TYRP1: variants seen among roughly 807,000 people sequenced by gnomAD.
TYRP1 encodes tyrosinase related protein 1, also known as 5,6-dihydroxyindole-2-carboxylic acid oxidase.
Under a neutral mutation model 42.8 loss-of-function variants are expected in TYRP1, and 49 were observed. The ratio of observed to expected loss-of-function variants is 1.14; its 90% CI spans 0.91 to 1.45. The LOEUF is 1.45. TYRP1 is among the 40% of genes most tolerant of loss of function. The probability of loss-of-function intolerance (pLI) is 0.00; values close to 1 mark genes in which losing one functional copy is unlikely to be tolerated. For synonymous variants in TYRP1, 279 were observed against 235.4 expected (o/e 1.19, Z -1.69); for missense variants, 848 against 662.0 (o/e 1.28, Z -3.08).
Position 12,698,504 on chromosome 9 carries a change from G to GA in TYRP1, c.767dup (p.Asn256LysfsTer4). On this transcript the variant is annotated frameshift_variant, in exon 4 of 8. Coordinates refer to ENST00000388918, the MANE Select transcript of TYRP1 (RefSeq NM_000550.3). LOFTEE classifies it high-confidence loss of function. The stretch of plus-strand genomic sequence containing the variant: ...TTCCTTACTGGAATTTTGCAACGGG[G>GA]AAAAATGTCTGTGATATCTGCACGG... 3 of 1,613,796 alleles carry GA rather than the reference G, an allele frequency of 1.9e-6. No homozygotes were observed. Among genetic ancestry groups the GA allele is most frequent in the Non-Finnish European group, 2.5e-6 (3 of 1,179,808 alleles).
rs1818332616 is a variant in TYRP1, at chr9:12,709,987, T to C, written c.*805T>C. The C allele has an allele frequency of 6.6e-6, 1 of 151,904 alleles. No individual in the cohort carries two copies. Among genetic ancestry groups the C allele is most frequent in the Non-Finnish European group, 1.5e-5 (1 of 67,884 alleles). 9.4% of individuals were successfully genotyped at this position (151,904 alleles called of 1,614,324 possible). On this transcript the variant is annotated 3_prime_UTR_variant, in exon 8 of 8. Coordinates refer to ENST00000388918, the MANE Select transcript of TYRP1 (RefSeq NM_000550.3). Reference sequence around the variant, plus strand: ...GGCATATGGAGAACATGTTTTATACTGCTCTATAAATAGTATTCCAATCAC... The same window carrying C: ...GGCATATGGAGAACATGTTTTATACCGCTCTATAAATAGTATTCCAATCAC...
intron 5 of TYRP1, among the ~76,000 whole-genome samples, chr9:12,703,111 G>T (rs1298452256): frequency 6.6e-6 from 1 of 151,784 alleles, no homozygotes; most frequent in East Asian, 1.9e-4. Flanking sequence ...AATAAATTTT[G>T]ATACCTCCAA....
chr9:12,709,447 T>C lies in TYRP1; in HGVS notation c.*265T>C. 2.2e-6 allele frequency: 1 copy of C among 457,904 alleles called. No individual in the cohort carries two copies. The highest frequency in any genetic ancestry group is 3.9e-6 in the Non-Finnish European group (1 of 253,516). The allele number at this position is 457,904 out of a possible 1,614,324, so 28.4% of individuals were successfully genotyped here. A position where few individuals can be genotyped will look rare whatever the true frequency, so the allele number is the denominator to read the frequency against. On this transcript the variant is annotated 3_prime_UTR_variant, in exon 8 of 8. Transcript: ENST00000388918. ...AAGGATAGTGTGAAGATCTTTGGCA[T>C]GATTTAAAGGTTGAGTATGTGAAGA...
chr9:12,694,223 G>C lies in TYRP1; in HGVS notation c.227G>C (p.Ser76Thr), dbSNP rs932952989. 1 of 1,613,772 alleles carries C rather than the reference G, an allele frequency of 6.2e-7. No homozygotes were observed. Among genetic ancestry groups the C allele is most frequent in the Admixed American group, 1.7e-5 (1 of 59,962 alleles). Residue 76 changes from serine (S) to threonine (T), a missense_variant, in exon 2 of 8, where the codon AGC becomes ACC. Physicochemically the swap from Ser to Thr is moderately conservative, Grantham distance 58. Coordinates refer to ENST00000388918, the MANE Select transcript of TYRP1 (RefSeq NM_000550.3). ...GTGACTGCAGACTCCCGGCCCCACA[G>C]CCCTCAGTATCCCCATGATGGCAGA... is the stretch of plus-strand genomic sequence containing the variant. The part of the protein sequence containing the change: ...EAVTADSRPH[S>T]PQYPHDGRDD...
intron 5 of TYRP1, among the ~76,000 whole-genome samples, chr9:12,703,991 G>A (rs17280279): frequency 0.053 from 8,071 of 151,460 alleles, 232 homozygotes; most frequent in Non-Finnish European, 0.062. Context: ...AGGTTTTCCC[G>A]ATGTTTAAAA....
At chr9:12,702,495 A>G in intron 5 of TYRP1, 57 bp downstream of exon 5, 1 of 1,555,778 alleles carries the variant, frequency 6.4e-7, no homozygotes, top group Non-Finnish European at 8.8e-7. Flanking sequence ...AAACTGAATT[A>G]TTCAAAAGCA....
Position 12,695,705 on chromosome 9 carries a change from C to T in TYRP1, c.576C>T (p.His192=), listed in dbSNP as rs1483531161. ...TTTATAACTACTTTGTTTGGACACACTATTACTCAGTCAAAAAGACTTTCC... is the reference window on the plus strand; with the variant it reads ...TTTATAACTACTTTGTTTGGACACATTATTACTCAGTCAAAAAGACTTTCC... ...ISIYNYFVWT[H]YYSVKKTFLG... is the part of the protein sequence containing the mutation. The change falls in exon 3 of 8, where the codon CAC becomes CAT. Residue 192 remains histidine (H), a synonymous_variant. Transcript: ENST00000388918. 6.2e-7 allele frequency: 1 copy of T among 1,614,036 alleles called. No homozygotes were observed. Among genetic ancestry groups the T allele is most frequent in the Non-Finnish European group, 8.5e-7 (1 of 1,180,036 alleles).
At chr9:12,697,630 A>G (rs1818098733) in intron 3 of TYRP1, among the ~76,000 whole-genome samples, 1 of 152,168 alleles carries the variant, frequency 6.6e-6, no homozygotes, top group Non-Finnish European at 1.5e-5. Context: ...CATACCATAA[A>G]TAGAACTTCT....
chr9:12,698,800 T>G, intron 4 of TYRP1, 145 bp downstream of exon 4: 1 of 821,256 alleles, frequency 1.2e-6, no homozygotes, highest in Non-Finnish European at 1.9e-6. Flanking sequence ...AGGCATTCAT[T>G]AAACACCTAG....
chr9:12,693,965 G>A lies in TYRP1; in HGVS notation c.-32G>A. Reference sequence around the variant, plus strand: ...TCTCTACACAAAGAGCTGCAAACCAGGTCTTTGTTTTGCACTCTTATTTCA... The same window carrying A: ...TCTCTACACAAAGAGCTGCAAACCAAGTCTTTGTTTTGCACTCTTATTTCA... On this transcript the variant is annotated 5_prime_UTR_variant, in exon 2 of 8. Coordinates refer to ENST00000388918, the MANE Select transcript of TYRP1 (RefSeq NM_000550.3). The A allele has an allele frequency of 6.2e-7, 1 of 1,612,942 alleles. No individual in the cohort carries two copies. The highest frequency in any genetic ancestry group is 8.5e-7 in the Non-Finnish European group (1 of 1,179,886).
At chr9:12,704,756 G>T in intron 6 of TYRP1, 51 bp downstream of exon 6, 2 of 1,563,170 alleles carry the variant, frequency 1.3e-6, no homozygotes, top group South Asian at 1.1e-5. Context: ...GGATTGTTTA[G>T]ATGGCATAGT....
intron 1 of TYRP1, among the ~76,000 whole-genome samples, chr9:12,693,680 T>C (rs1818029525): frequency 6.6e-6 from 1 of 151,188 alleles, no homozygotes; most frequent in Non-Finnish European, 1.5e-5. Flanking sequence ...TGTATATATA[T>C]ATAAACAAAA....
chr9:12,694,890 A>C (rs557462697), intron 2 of TYRP1, among the ~76,000 whole-genome samples: 1 of 152,218 alleles, frequency 6.6e-6, no homozygotes, highest in Non-Finnish European at 1.5e-5. Context: ...GCATTAAATA[A>C]CAAAGCACTA....
chr9:12,704,871 T>G (rs1320686179), intron 6 of TYRP1, among the ~76,000 whole-genome samples, 166 bp downstream of exon 6: 1 of 152,012 alleles, frequency 6.6e-6, no homozygotes, highest in Non-Finnish European at 1.5e-5. Flanking sequence ...ACTTTGAAAA[T>G]GCAGGCAAGA....
Position 12,709,420 on chromosome 9 carries a change from T to C in TYRP1, c.*238T>C. The C allele has an allele frequency of 1.9e-6, 1 of 523,172 alleles. No individual in the cohort carries two copies. The highest frequency in any genetic ancestry group is 2.1e-5 in the South Asian group (1 of 47,896). The allele number at this position is 523,172 out of a possible 1,614,324, so 32.4% of individuals were successfully genotyped here. On this transcript the variant is annotated 3_prime_UTR_variant, in exon 8 of 8. Coordinates refer to ENST00000388918, the MANE Select transcript of TYRP1 (RefSeq NM_000550.3). ...TGAATGACACTAAACTCCATGATATTTAAGGATAGTGTGAAGATCTTTGGC... is the reference window on the plus strand; with the variant it reads ...TGAATGACACTAAACTCCATGATATCTAAGGATAGTGTGAAGATCTTTGGC...
In TYRP1 at chr9:12,709,285, C is replaced by CTAA. The variant is rs1554648587; in HGVS notation, c.*106_*108dup. ...TTTCTTTCACTTTATTACCTTCTTT[C>CTAA]TAATACAAGCATATGTTAGCATTAA... is the stretch of plus-strand genomic sequence containing the variant. On this transcript the variant is annotated 3_prime_UTR_variant, in exon 8 of 8. Coordinates refer to ENST00000388918, the MANE Select transcript of TYRP1 (RefSeq NM_000550.3). 6.0e-6 allele frequency: 7 copies of CTAA among 1,162,898 alleles called. No individual in the cohort carries two copies. The African/African-American group carries it at 6.1e-5, about 10-fold the overall frequency. 72.0% of individuals were successfully genotyped at this position (1,162,898 alleles called of 1,614,324 possible).
chr9:12,709,097 C>T lies in TYRP1; in HGVS notation c.1529C>T (p.Ala510Val). The T allele has an allele frequency of 6.2e-7, 1 of 1,612,782 alleles. No homozygotes were observed. Among genetic ancestry groups the T allele is most frequent in the Non-Finnish European group, 8.5e-7 (1 of 1,179,196 alleles). ...CGTGCCAGACGCAGTATGGATGAAG[C>T]TAACCAGCCTCTCCTCACTGATCAG... Reference protein sequence around the residue: ...LIRARRSMDEANQPLLTDQYQ... With the variant: ...LIRARRSMDEVNQPLLTDQYQ... The change falls in exon 8 of 8, where the codon GCT becomes GTT. Residue 510 changes from alanine to valine, a missense_variant. Physicochemically the swap from Ala to Val is moderately conservative, Grantham distance 64 (BLOSUM62 0). Coordinates refer to ENST00000388918, the MANE Select transcript of TYRP1 (RefSeq NM_000550.3).
At chr9:12,699,537 T>TAA (rs1818132334) in intron 4 of TYRP1, among the ~76,000 whole-genome samples, 1 of 151,792 alleles carries the variant, frequency 6.6e-6, no homozygotes, top group South Asian at 2.1e-4. Context: ...CATCAAGTAT[T>TAA]ATTTTATGAA....
rs1818033708 is a variant in TYRP1 at position 12,693,952 on chromosome 9, G to A, written c.-45G>A. On this transcript the variant is annotated 5_prime_UTR_variant, in exon 2 of 8. Transcript: ENST00000388918. ...CGTGCTTCAGTCTTCTCTACACAAA[G>A]AGCTGCAAACCAGGTCTTTGTTTTG... The A allele has an allele frequency of 6.2e-7, 1 of 1,611,578 alleles. No homozygotes were observed. The highest frequency in any genetic ancestry group is 2.2e-5 in the East Asian group (1 of 44,848).
Sources: allele counts gnomAD v4.1 joint callset (sites outside exome capture counted in the v4.1 genomes callset), GRCh38; gene constraint gnomAD v4.1.1; transcripts MANE v1.5; gene names NCBI Gene and HGNC (gene_info 2026-07-23, HGNC 2026-07-21).